HSPH1: variants seen among roughly 807,000 people sequenced by gnomAD.
The protein encoded by HSPH1 is heat shock protein 105 kDa.
In HSPH1, 40 loss-of-function variants were observed where a neutral mutation model predicts 100.0. The ratio of observed to expected loss-of-function variants is 0.40; its 90% confidence interval spans 0.31 to 0.52. The LOEUF (loss-of-function observed/expected upper bound fraction) is 0.52. Ranked by LOEUF, HSPH1 falls within the 20% of genes least tolerant of loss-of-function variation. The pLI, the probability that HSPH1 is intolerant of heterozygous loss-of-function variation, is 0.54. For synonymous variants in HSPH1, 403 were observed against 344.0 expected, an observed-to-expected ratio of 1.17 and a Z score of -1.90; for missense variants, 876 against 1,015.1, an observed-to-expected ratio of 0.86 and a Z score of 1.86.
Position 31,135,285 on chromosome 13 carries a change from A to G in HSPH1, c.*2033T>C, listed in dbSNP as rs996811492. ...AGGAAAAACATGTTTTCCCATTCAC[A>G]GTTTTTAAAAATCTTTTTTAATGGA... On this transcript the variant is annotated 3_prime_UTR_variant, in exon 18 of 18. Transcript: ENST00000320027. 1 of 151,632 alleles carries G rather than the reference A, an allele frequency of 6.6e-6. No homozygotes were observed. The highest frequency in any genetic ancestry group is 6.5e-5 in the Admixed American group (1 of 15,270). 9.4% of individuals were successfully genotyped at this position (151,632 alleles called of 1,614,324 possible).
At chr13:31,155,479 G>T in intron 3 of HSPH1, 35 bp downstream of exon 3, 1 of 1,524,018 alleles carries the variant, frequency 6.6e-7, no homozygotes, top group Non-Finnish European at 9.0e-7. Flanking sequence ...GTATTAATAA[G>T]TTGGTATTTT....
intron 2 of HSPH1, among the ~76,000 whole-genome samples, chr13:31,157,098 G>T (rs1956726793): frequency 6.6e-6 from 1 of 152,222 alleles, no homozygotes; most frequent in African/African-American, 2.4e-5. Flanking sequence ...TAGCTTGGCA[G>T]TACTAGTTTT....
At chr13:31,151,495 C>T (rs1956485603) in intron 6 of HSPH1, 114 bp downstream of exon 6, 3 of 984,354 alleles carry the variant, frequency 3.0e-6, no homozygotes, top group African/African-American at 1.7e-5. Context: ...AACATCTTTA[C>T]CTAAAATAAA....
intron 10 of HSPH1, among the ~76,000 whole-genome samples, chr13:31,146,062 G>A (rs564388654): frequency 6.6e-6 from 1 of 152,152 alleles, no homozygotes; most frequent in African/African-American, 2.4e-5. Context: ...TTGAGCCCAA[G>A]AGTTCAAGGT....
At chr13:31,140,940 GA>G (rs1206893749) in intron 13 of HSPH1, 181 bp downstream of exon 13, 1 of 416,638 alleles carries the variant, frequency 2.4e-6, no homozygotes, top group Non-Finnish European at 4.2e-6. Flanking sequence ...CAAGCAGAAA[GA>G]TTTTTTTGTT....
chr13:31,151,506 ACT>A (rs1396106546), intron 6 of HSPH1, 101 bp downstream of exon 6: 1 of 1,074,158 alleles, frequency 9.3e-7, no homozygotes, highest in East Asian at 2.5e-5. Context: ...CTAAAATAAA[ACT>A]CTTCATTACC....
chr13:31,141,001 T>C, intron 13 of HSPH1, 121 bp downstream of exon 13: 1 of 624,784 alleles, frequency 1.6e-6, no homozygotes, highest in Non-Finnish European at 2.5e-6. Flanking sequence ...ATCCTATCCC[T>C]AAAACTATAT....
At chr13:31,144,711 G>C (rs1480684213) in intron 11 of HSPH1, among the ~76,000 whole-genome samples, 3 of 151,828 alleles carry the variant, frequency 2.0e-5, no homozygotes, top group Admixed American at 1.3e-4. Flanking sequence ...AAGATTCTAA[G>C]ATAGACACTG....
rs553707093 is a variant in HSPH1 at position 31,154,479 on chromosome 13, C to A, written c.429+154G>T. ...TTCTGGCTAAAAATATCACTCAAAT[C>A]TACTTTGTAATGCTCTGGAACACAT... On this transcript the variant is annotated intron_variant, in intron 4 of 17. Coordinates refer to ENST00000320027, the MANE Select transcript of HSPH1 (RefSeq NM_006644.4). The A allele has an allele frequency of 2.2e-5, 19 of 850,704 alleles. No individual in the cohort carries two copies. In the Admixed American group the frequency reaches 3.9e-4, roughly 17 times the overall value. 52.7% of individuals were successfully genotyped at this position (850,704 alleles called of 1,614,324 possible). A position where few individuals can be genotyped will look rare whatever the true frequency, so the allele number is the denominator to read the frequency against.
At chr13:31,146,584 G>A (rs1956271850) in intron 10 of HSPH1, among the ~76,000 whole-genome samples, 1 of 152,158 alleles carries the variant, frequency 6.6e-6, no homozygotes, top group Admixed American at 6.5e-5. Flanking sequence ...TTTTAAATAA[G>A]GGAGGTGAGC....
chr13:31,139,106 T>A lies in HSPH1; in HGVS notation c.1982A>T (p.Asp661Val). Residue 661 changes from aspartate (D) to valine (V), a missense_variant and splice_region_variant, in exon 15 of 18, where the codon GAT becomes GTT. Asp to Val is a radical substitution (Grantham distance 152, BLOSUM62 -3). Coordinates refer to ENST00000320027, the MANE Select transcript of HSPH1 (RefSeq NM_006644.4). Reference protein sequence around the residue: ...GPYEKFICEQDHQNFLRLLTE... With the variant: ...GPYEKFICEQVHQNFLRLLTE... ...GAGGAGTCTCAAAAAATTTTGATGA[T>A]CCTTAACACAAAATATGACAATATT... The A allele has an allele frequency of 6.3e-7, 1 of 1,576,210 alleles. No individual in the cohort carries two copies. Among genetic ancestry groups the A allele is most frequent in the Non-Finnish European group, 8.7e-7 (1 of 1,145,908 alleles).
At chr13:31,145,843 A>G (rs1161099187) in intron 10 of HSPH1, 75 bp from the exon 11 acceptor site, 2 of 1,399,898 alleles carry the variant, frequency 1.4e-6, no homozygotes, top group African/African-American at 2.9e-5. Flanking sequence ...AGAGGAGGCC[A>G]GGTGGGTGGT....
chr13:31,139,143 T>TA lies in HSPH1; in HGVS notation c.1981-37dup, dbSNP rs771551942. On this transcript the variant is annotated intron_variant, in intron 14 of 17. Transcript: ENST00000320027. ...AATATGACAATATTAGTGGCACTCG[T>TA]ACTTCAGAATTTTTCACAACAAAAC... 18 of 1,272,576 alleles carry TA rather than the reference T, an allele frequency of 1.4e-5. No individual in the cohort carries two copies. In the South Asian group the frequency reaches 2.1e-4, roughly 15 times the overall value. The allele number at this position is 1,272,576 out of a possible 1,614,324, so 78.8% of individuals were successfully genotyped here.
rs1033886482 is a variant in HSPH1, at chr13:31,136,814, T to C, written c.*504A>G. On this transcript the variant is annotated 3_prime_UTR_variant, in exon 18 of 18. Transcript: ENST00000320027. The stretch of plus-strand genomic sequence containing the variant: ...ATTTGACTAGCTTTTGTTTTACTCA[T>C]TGAATTTTTAATATCAAAGCAAAAA... 3.6e-5 allele frequency: 7 copies of C among 193,798 alleles called. No individual in the cohort carries two copies. The highest frequency in any genetic ancestry group is 2.4e-5 in the African/African-American group (1 of 41,830). 12.0% of individuals were successfully genotyped at this position (193,798 alleles called of 1,614,324 possible). A position where few individuals can be genotyped will look rare whatever the true frequency, so the allele number is the denominator to read the frequency against.
At chr13:31,143,308 A>C (rs144596965) in intron 12 of HSPH1, among the ~76,000 whole-genome samples, 1 of 152,260 alleles carries the variant, frequency 6.6e-6, no homozygotes, top group Admixed American at 6.5e-5. Flanking sequence ...GGACAAAAAA[A>C]TAATTACCTT....
At chr13:31,137,921 G>A (rs1417930220) in intron 17 of HSPH1, among the ~76,000 whole-genome samples, 1 of 152,104 alleles carries the variant, frequency 6.6e-6, no homozygotes, top group Non-Finnish European at 1.5e-5. Context: ...ACTTTTCCTT[G>A]ACCTTCACTG....
intron 5 of HSPH1, 75 bp downstream of exon 5, chr13:31,152,777 T>C (rs768712957): frequency 9.8e-7 from 1 of 1,024,924 alleles, no homozygotes; most frequent in East Asian, 2.4e-5. Context: ...TCTGTATCTA[T>C]AAGAAAGTAA....
intron 5 of HSPH1, 198 bp from the exon 6 acceptor site, chr13:31,151,940 T>G: frequency 1.8e-6 from 1 of 549,074 alleles, no homozygotes; most frequent in South Asian, 2.3e-5. Flanking sequence ...TTCAGAACAA[T>G]GCTCTATCAC....
chr13:31,144,072 A>C, intron 11 of HSPH1, 149 bp from the exon 12 acceptor site: 1 of 618,668 alleles, frequency 1.6e-6, no homozygotes, highest in Non-Finnish European at 2.5e-6. Context: ...AAAATGAACA[A>C]AGTACTTGAA....
Sources: gnomAD v4.1 joint callset for allele counts (sites outside exome capture counted in the v4.1 genomes callset) on GRCh38, gnomAD v4.1.1 for gene constraint, MANE v1.5 for transcripts, NCBI Gene and HGNC (gene_info 2026-07-23, HGNC 2026-07-21) for gene names.